SACS: variants seen among roughly 807,000 people sequenced by gnomAD.
SACS encodes the protein sacsin molecular chaperone.
Under a neutral mutation model 348.0 loss-of-function variants are expected in SACS, and 197 were observed. That is an observed-to-expected ratio of 0.57 (90% CI 0.50 to 0.64). The LOEUF is 0.64. Ranked by LOEUF, SACS falls within the 30% of genes least tolerant of loss-of-function variation. SACS has a pLI of 0.00. For synonymous variants in SACS, 1,985 were observed against 1,910.6 expected, an observed-to-expected ratio of 1.04 and a Z score of -1.02; for missense variants, 4,999 against 5,360.8, an observed-to-expected ratio of 0.93 and a Z score of 2.11.
At chr13:23,356,700 G>A (rs535561723) in intron 7 of SACS, among the ~76,000 whole-genome samples, 16 of 152,348 alleles carry the variant, frequency 1.1e-4, no homozygotes, top group Admixed American at 2.6e-4. Flanking sequence ...CCACTGTGAT[G>A]AGAGAAATTC....
Position 23,336,694 on chromosome 13 carries a change from T to C in SACS, c.7182A>G (p.Ser2394=), listed in dbSNP as rs768013904. ...ELFETVGVRQ[S]CTVEDFALVL... ...CAAGAGCAAAATCTTCAACAGTGCA[T>C]GACTGCCTCACACCCACGGTTTCAA... The change falls in exon 10 of 10, where the codon TCA becomes TCG. Residue 2394 remains serine (S), a synonymous_variant. Transcript: ENST00000382292. The C allele has an allele frequency of 3.0e-5, 49 of 1,613,816 alleles. No individual in the cohort carries two copies. The highest frequency in any genetic ancestry group is 3.8e-5 in the Non-Finnish European group (45 of 1,179,892).
At chr13:23,341,712 G>C (rs543690486) in intron 9 of SACS, 22 bp from the exon 10 acceptor site, 3 of 1,558,828 alleles carry the variant, frequency 1.9e-6, no homozygotes, top group Non-Finnish European at 2.6e-6. Flanking sequence ...ACACAGAAAT[G>C]TCATAAATAC....
At position 23,336,448 on chromosome 13, in the gene SACS, T is replaced by C; in HGVS notation, c.7428A>G (p.Val2476=). ...GACAATATTTTACAGTGGTATCCTT[T>C]ACTTTTATCCAAGGGCAATCATTGT... The part of the protein sequence containing the change: ...LCYNDCPWIK[V]KDTTVKYCHA... Residue 2476 remains valine (V), a synonymous_variant, in exon 10 of 10, where the codon GTA becomes GTG. Transcript: ENST00000382292. The C allele has an allele frequency of 6.2e-7, 1 of 1,614,074 alleles. No homozygotes were observed. The highest frequency in any genetic ancestry group is 8.5e-7 in the Non-Finnish European group (1 of 1,179,948).
chr13:23,404,560 A>C (rs1873122158), intron 2 of SACS, among the ~76,000 whole-genome samples: 1 of 152,196 alleles, frequency 6.6e-6, no homozygotes, highest in African/African-American at 2.4e-5. Context: ...ATAGTATTGG[A>C]AGTTCTGGCC....
intron 2 of SACS, chr13:23,375,649 C>A: frequency 1.2e-6 from 1 of 825,152 alleles, no homozygotes; most frequent in Middle Eastern, 6.1e-4. Flanking sequence ...CCGCCCCGCC[C>A]CTCCCGCCAG....
Position 23,337,666 on chromosome 13 carries a change from T to C in SACS, c.6210A>G (p.Ala2070=), listed in dbSNP as rs1474753586. The C allele has an allele frequency of 6.2e-7, 1 of 1,613,076 alleles. No individual in the cohort carries two copies. The highest frequency in any genetic ancestry group is 1.3e-5 in the African/African-American group (1 of 74,832). The change falls in exon 10 of 10, where the codon GCA becomes GCG. Residue 2070 remains alanine (A), a synonymous_variant. Coordinates refer to ENST00000382292, the MANE Select transcript of SACS (RefSeq NM_014363.6). The stretch of plus-strand genomic sequence containing the variant: ...AGATCATTAAAGGATCTCTAAGTTC[T>C]GCTTCAATTTCTTGAATATTTGGAA... ...VFFPNIQEIE[A]ELRDPLMIFV...
Position 23,339,990 on chromosome 13 carries a change from G to A in SACS, c.3886C>T (p.His1296Tyr). ...PLAQAVIKPIHDLDLQPYLHN... is the reference protein window; with the variant it reads ...PLAQAVIKPIYDLDLQPYLHN... ...AAATAAGGCTGAAGGTCAAGATCAT[G>A]GATTGGTTTAATCACAGCCTGGGCA... is the stretch of plus-strand genomic sequence containing the variant. Residue 1296 changes from histidine to tyrosine, a missense_variant, in exon 10 of 10, where the codon CAT (histidine) becomes TAT (tyrosine). By Grantham distance (83) the His-to-Tyr change is moderately conservative (BLOSUM62 2). This residue lies in a region of SACS where 3,156 missense variants were observed against 3,380.1 expected (regional missense o/e 0.93). Transcript: ENST00000382292. The A allele has an allele frequency of 6.2e-7, 1 of 1,613,348 alleles. No homozygotes were observed. Among genetic ancestry groups the A allele is most frequent in the Non-Finnish European group, 8.5e-7 (1 of 1,179,742 alleles).
intron 2 of SACS, among the ~76,000 whole-genome samples, chr13:23,386,309 T>C (rs1593167036): frequency 6.6e-6 from 1 of 152,242 alleles, no homozygotes. Context: ...GTTAGCTACA[T>C]CTTCTGGAGA....
intron 1 of SACS, among the ~76,000 whole-genome samples, chr13:23,417,794 T>C (rs2137982422): frequency 6.6e-6 from 1 of 151,790 alleles, no homozygotes; most frequent in Non-Finnish European, 1.5e-5. Flanking sequence ...CAAGGCCGGG[T>C]GCGGTGGCTC....
intron 2 of SACS, among the ~76,000 whole-genome samples, chr13:23,394,093 G>A (rs113515892): frequency 6.6e-5 from 10 of 152,284 alleles, no homozygotes; most frequent in African/African-American, 2.2e-4. Context: ...TCCAGGTGGG[G>A]GCTGGTGGCC....
Position 23,331,637 on chromosome 13 carries a change from C to G in SACS, c.12239G>C (p.Gly4080Ala). Residue 4080 changes from glycine (G) to alanine (A), a missense_variant, in exon 10 of 10, where the codon GGT (glycine) becomes GCT (alanine). Physicochemically the swap from Gly to Ala is moderately conservative, Grantham distance 60 (BLOSUM62 0). Transcript: ENST00000382292. ...AATGTAGAGCAAGATGACTGCATTA[C>G]CAAATCGCTTCAAAAAAGCAAAAGT... The part of the protein sequence containing the change: ...SETFAFLKRF[G>A]NAVILLYIQH... 6.2e-7 allele frequency: 1 copy of G among 1,613,920 alleles called. No individual in the cohort carries two copies. Among genetic ancestry groups the G allele is most frequent in the African/African-American group, 1.3e-5 (1 of 75,002 alleles).
In SACS at chr13:23,338,947, A is replaced by G. The variant is rs776977428; in HGVS notation, c.4929T>C (p.Leu1643=). 1.9e-6 allele frequency: 3 copies of G among 1,613,856 alleles called. No individual in the cohort carries two copies. The highest frequency in any genetic ancestry group is 2.5e-6 in the Non-Finnish European group (3 of 1,179,924). Residue 1643 remains leucine, a synonymous_variant, in exon 10 of 10, where the codon CTT becomes CTC. Coordinates refer to ENST00000382292, the MANE Select transcript of SACS (RefSeq NM_014363.6). ...VEAPYSYNGT[L]FRLSFRTQQE... is the part of the protein sequence containing the mutation. ...GTTGAGTTCTAAAGGACAGTCGGAA[A>G]AGGGTTCCATTATAGCTGTAAGGTG...
Position 23,337,626 on chromosome 13 carries a change from T to G in SACS, c.6250A>C (p.Lys2084Gln). ...DPLMIFVLNE[K>Q]VDEFSGVLRV... is the part of the protein sequence containing the mutation. ...AGAACTCCCGAGAACTCATCAACTT[T>G]TTCATTTAGAACAAAGATCATTAAA... Residue 2084 changes from lysine (K) to glutamine (Q), a missense_variant, in exon 10 of 10, where the codon AAA (lysine) becomes CAA (glutamine). Lys to Gln is a moderately conservative substitution (Grantham distance 53). Transcript: ENST00000382292. 3.7e-6 allele frequency: 6 copies of G among 1,613,852 alleles called. No homozygotes were observed. Among genetic ancestry groups the G allele is most frequent in the Non-Finnish European group, 5.1e-6 (6 of 1,179,948 alleles).
chr13:23,356,917 C>T (rs1002747864), intron 7 of SACS, among the ~76,000 whole-genome samples: 4 of 152,178 alleles, frequency 2.6e-5, no homozygotes, highest in African/African-American at 9.7e-5. Context: ...GTTATGTCCA[C>T]CAACCACATG....
chr13:23,424,751 T>G (rs1223907361), intron 1 of SACS, among the ~76,000 whole-genome samples: 2 of 152,176 alleles, frequency 1.3e-5, no homozygotes, highest in Non-Finnish European at 2.9e-5. Flanking sequence ...CATATGAACG[T>G]CCAGTACTAA....
In SACS at chr13:23,369,587, C is replaced by G. The variant is rs188163587; in HGVS notation, c.260-1100G>C. On this transcript the variant is annotated intron_variant, in intron 4 of 9. Transcript: ENST00000382292. ...TCAGACGGACTCTCCTTCTATTGCTCAGGCTGGAGTGCAGTGGCGCAATCT... is the reference window on the plus strand; with the variant it reads ...TCAGACGGACTCTCCTTCTATTGCTGAGGCTGGAGTGCAGTGGCGCAATCT... 3.3e-5 allele frequency among the ~76,000 whole-genome samples: 5 copies of G among 151,274 alleles called. No homozygotes were observed. The East Asian group carries it at 7.7e-4, about 23-fold the overall frequency.
intron 2 of SACS, among the ~76,000 whole-genome samples, chr13:23,377,080 C>T (rs1241590479): frequency 6.6e-6 from 1 of 152,078 alleles, no homozygotes; most frequent in Non-Finnish European, 1.5e-5. Flanking sequence ...TTATATGACA[C>T]GTCCAGAATT....
intron 1 of SACS, among the ~76,000 whole-genome samples, chr13:23,429,344 G>GGTTTT (rs1566116540): frequency 1.5e-5 from 1 of 65,384 alleles, no homozygotes; most frequent in Non-Finnish European, 4.2e-5. Context: ...TTGAGGTAGG[G>GGTTTT]ATTTTTTTTT....
At chr13:23,408,857 G>T (rs1220279193) in intron 2 of SACS, among the ~76,000 whole-genome samples, 1 of 151,118 alleles carries the variant, frequency 6.6e-6, no homozygotes, top group Non-Finnish European at 1.5e-5. Context: ...CCCAGCTCGG[G>T]AGGCTGAGGC....
Sources: gnomAD v4.1 joint callset for allele counts (sites outside exome capture counted in the v4.1 genomes callset) on GRCh38, gnomAD v4.1.1 for gene constraint, gnomAD v4.1.1 regional missense constraint, MANE v1.5 for transcripts, NCBI Gene and HGNC (gene_info 2026-07-23, HGNC 2026-07-21) for gene names.